The following ROR2 variants were observed in gnomAD, a reference collection of about 807,000 sequenced individuals.
ROR2 encodes ROR family WNT receptor 2.
ROR2 carries 33 observed loss-of-function variants against 74.9 expected under a neutral mutation model. That is an observed-to-expected ratio of 0.44 (90% CI 0.33 to 0.59). ROR2 has a LOEUF of 0.59. Among genes scored for constraint, ROR2 ranks in the 20% least tolerant of loss-of-function variants. The pLI, the probability that ROR2 is intolerant of heterozygous loss-of-function variation, is 0.02. For synonymous variants in ROR2, 586 were observed against 558.7 expected (o/e 1.05, Z -0.69); for missense variants, 1,216 against 1,313.8 (o/e 0.93, Z 1.15).
At chr9:91,933,109 G>A (rs868518470) in intron 1 of ROR2, among the ~76,000 whole-genome samples, 5 of 152,046 alleles carry the variant, frequency 3.3e-5, no homozygotes, top group African/African-American at 1.2e-4. Context: ...TCAGAACATC[G>A]AGACTATCCT....
intron 1 of ROR2, among the ~76,000 whole-genome samples, chr9:91,828,507 A>G (rs1333672987): frequency 6.6e-6 from 1 of 152,188 alleles, no homozygotes; most frequent in Admixed American, 6.5e-5. Context: ...CGAGTTCAGG[A>G]GTTCGAGACC....
intron 2 of ROR2, among the ~76,000 whole-genome samples, chr9:91,774,459 G>T (rs1454824017): frequency 6.6e-6 from 1 of 152,224 alleles, no homozygotes; most frequent in Non-Finnish European, 1.5e-5. Flanking sequence ...GATGATATTT[G>T]CAGGTGAGGC....
intron 2 of ROR2, among the ~76,000 whole-genome samples, chr9:91,763,019 T>C (rs1825962352): frequency 6.6e-6 from 1 of 152,218 alleles, no homozygotes; most frequent in African/African-American, 2.4e-5. Flanking sequence ...TCATATCCTT[T>C]GCGCAACATG....
rs1403760403 is a variant in ROR2, at chr9:91,733,074, T to C, written c.937+48A>G. On this transcript the variant is annotated intron_variant, in intron 6 of 8. Coordinates refer to ENST00000375708, the MANE Select transcript of ROR2 (RefSeq NM_004560.4). This position sits in a 1 kb window ranked among gnomAD's most constrained non-coding sequence, Gnocchi z 5.7. ...ACCCCCATACACATTTCAAGGGCCC[T>C]ACACTCCCTGCGCCCCCCGGTCCCG... 5 of 1,523,166 alleles carry C rather than the reference T, an allele frequency of 3.3e-6. No homozygotes were observed. Among genetic ancestry groups the C allele is most frequent in the East Asian group, 2.4e-5 (1 of 41,212 alleles). 94.4% of individuals were successfully genotyped at this position (1,523,166 alleles called of 1,614,324 possible). A position where few individuals can be genotyped will look rare whatever the true frequency, so the allele number is the denominator to read the frequency against.
intron 1 of ROR2, among the ~76,000 whole-genome samples, chr9:91,939,109 G>C (rs1409616019): frequency 6.6e-6 from 1 of 152,136 alleles, no homozygotes; most frequent in Non-Finnish European, 1.5e-5. Context: ...AATTAGCCAG[G>C]GGTGGTGGCA....
At chr9:91,825,332 C>G (rs892038573) in intron 1 of ROR2, among the ~76,000 whole-genome samples, 1 of 152,146 alleles carries the variant, frequency 6.6e-6, no homozygotes, top group African/African-American at 2.4e-5. Flanking sequence ...GGGCTATTCA[C>G]CCACCTGGAC....
At chr9:91,857,451 T>G (rs1453583835) in intron 1 of ROR2, among the ~76,000 whole-genome samples, 1 of 152,176 alleles carries the variant, frequency 6.6e-6, no homozygotes, top group Non-Finnish European at 1.5e-5. Flanking sequence ...GCGACCAGCA[T>G]GAGGAACTGA....
At chr9:91,916,955 C>T (rs1422723916) in intron 1 of ROR2, among the ~76,000 whole-genome samples, 1 of 152,106 alleles carries the variant, frequency 6.6e-6, no homozygotes. Context: ...TCCCTGCCCC[C>T]ACAGACGCTC....
intron 1 of ROR2, among the ~76,000 whole-genome samples, chr9:91,930,457 A>G (rs573477820): frequency 2.0e-4 from 30 of 152,368 alleles, no homozygotes; most frequent in African/African-American, 7.2e-4. Context: ...CAGAAGCTGC[A>G]TTAGGGATAA....
chr9:91,905,815 A>G lies in ROR2; in HGVS notation c.97+44052T>C, dbSNP rs998983663. ...TGAAAGCCCAAGAACTAAGAGAGGG[A>G]GCCAATCAACTTTTTTTTTTTAAGA... On this transcript the variant is annotated intron_variant, in intron 1 of 8. Coordinates refer to ENST00000375708, the MANE Select transcript of ROR2 (RefSeq NM_004560.4). This position sits in a 1 kb window ranked among gnomAD's most constrained non-coding sequence, Gnocchi z 5.3. Among the ~76,000 whole-genome samples the G allele has an allele frequency of 5.3e-5, 8 of 151,932 alleles. No homozygotes were observed. Among genetic ancestry groups the G allele is most frequent in the Non-Finnish European group, 1.0e-4 (7 of 67,988 alleles).
intron 1 of ROR2, among the ~76,000 whole-genome samples, chr9:91,945,456 C>T (rs565128039): frequency 6.6e-6 from 1 of 152,322 alleles, no homozygotes; most frequent in African/African-American, 2.4e-5. Context: ...GCAGCCGCCA[C>T]ATTCTCCTCT....
intron 1 of ROR2, among the ~76,000 whole-genome samples, chr9:91,851,890 C>T (rs959222727): frequency 6.6e-6 from 1 of 151,178 alleles, no homozygotes; most frequent in Non-Finnish European, 1.5e-5. Context: ...ACAGGAGAAT[C>T]GCGTGAACCT....
intron 1 of ROR2, among the ~76,000 whole-genome samples, chr9:91,876,158 A>C (rs1178374320): frequency 6.6e-6 from 1 of 152,124 alleles, no homozygotes; most frequent in Non-Finnish European, 1.5e-5. Flanking sequence ...AGATCACTTG[A>C]GGTCAGGAAT....
intron 1 of ROR2, among the ~76,000 whole-genome samples, chr9:91,800,297 G>A (rs1005888468): frequency 3.3e-5 from 5 of 151,248 alleles, no homozygotes; most frequent in East Asian, 1.9e-4. Context: ...AGCCGAAATC[G>A]CACCACTGCC....
At chr9:91,859,610 G>T (rs62564603) in intron 1 of ROR2, among the ~76,000 whole-genome samples, 7 of 152,074 alleles carry the variant, frequency 4.6e-5, no homozygotes, top group Non-Finnish European at 1.0e-4. Context: ...ATCACCAGAA[G>T]TCAGGAGTTC....
chr9:91,771,284 T>C (rs10992089), intron 2 of ROR2, among the ~76,000 whole-genome samples: 15,605 of 152,230 alleles, frequency 0.1, 1,107 homozygotes, highest in East Asian at 0.26. Flanking sequence ...CGAGCCCACA[T>C]CACCCCGCCC....
In ROR2 at chr9:91,800,545, T is replaced by C. The variant is rs534913773; in HGVS notation, c.98-24727A>G. 1.4e-3 allele frequency among the ~76,000 whole-genome samples: 207 copies of C among 152,210 alleles called. 1 individual carries two copies. The highest frequency in any genetic ancestry group is 1.6e-3 in the Non-Finnish European group (107 of 67,996). On this transcript the variant is annotated intron_variant, in intron 1 of 8. Transcript: ENST00000375708. ...GCCTCAAGGAAAGGAGCAATTTCTT[T>C]GTGGCCCCTCTTTCTCTGTGGTCTC... is the stretch of plus-strand genomic sequence containing the variant.
At chr9:91,795,260 A>T (rs1173100277) in intron 1 of ROR2, among the ~76,000 whole-genome samples, 2 of 152,188 alleles carry the variant, frequency 1.3e-5, no homozygotes, top group African/African-American at 4.8e-5. Context: ...TGTTTTCTGA[A>T]TATCTTCCAT....
chr9:91,728,332 T>C (rs2118659873), intron 7 of ROR2, among the ~76,000 whole-genome samples: 1 of 152,380 alleles, frequency 6.6e-6, no homozygotes. Context: ...ACAACCGATA[T>C]TCAACTATTC....
Sources: gnomAD v4.1 joint callset for allele counts (sites outside exome capture counted in the v4.1 genomes callset) on GRCh38, gnomAD v4.1.1 for gene constraint, Gnocchi (gnomAD v3.1) non-coding constraint, MANE v1.5 for transcripts, NCBI Gene and HGNC (gene_info 2026-07-23, HGNC 2026-07-21) for gene names.